Variants in HORMAD2 observed in about 807,000 individuals in gnomAD.
HORMAD2 encodes the protein HORMA domain-containing protein 2.
In HORMAD2, 45 loss-of-function variants were observed where a neutral mutation model predicts 38.8. The observed-to-expected ratio is 1.16, with a 90% CI of 0.91 to 1.49. HORMAD2 has a LOEUF of 1.49. Ranked by LOEUF, HORMAD2 falls within the 40% of genes most tolerant of loss-of-function variation. The probability of loss-of-function intolerance (pLI) is 0.00; values close to 1 mark genes in which losing one functional copy is unlikely to be tolerated. For synonymous variants in HORMAD2, 126 were observed against 122.8 expected, an observed-to-expected ratio of 1.03 and a Z score of -0.17; for missense variants, 338 against 367.0, an observed-to-expected ratio of 0.92 and a Z score of 0.65.
intron 6 of HORMAD2, 55 bp downstream of exon 6, chr22:30,111,871 G>C: frequency 1.4e-6 from 2 of 1,406,746 alleles, no homozygotes; most frequent in Non-Finnish European, 1.9e-6. Context: ...ATTGTCTTTT[G>C]GCAAGTGAAA....
chr22:30,118,882 T>A lies in HORMAD2; in HGVS notation c.343-98T>A, dbSNP rs142310064. On this transcript the variant is annotated intron_variant, in intron 7 of 10. Coordinates refer to ENST00000336726, the MANE Select transcript of HORMAD2 (RefSeq NM_152510.4). ...ACAAACAGCTATATAGGAAGTACAG[T>A]AGATATACAGTGAAAATGTTCCTTA... 3.6e-5 allele frequency: 27 copies of A among 753,344 alleles called. No homozygotes were observed. In the African/African-American group the frequency reaches 3.9e-4, roughly 11 times the overall value. 46.7% of individuals were successfully genotyped at this position (753,344 alleles called of 1,614,324 possible).
At chr22:30,165,361 T>G in intron 10 of HORMAD2, among the ~76,000 whole-genome samples, 1 of 152,212 alleles carries the variant, frequency 6.6e-6, no homozygotes, top group Admixed American at 6.5e-5. Flanking sequence ...TTTGTTTTTC[T>G]TATTCAAGAT....
the HORMAD2 span, among the ~76,000 whole-genome samples, chr22:30,186,891 A>G: frequency 7.1e-6 from 1 of 141,434 alleles, no homozygotes; most frequent in African/African-American, 2.5e-5. Flanking sequence ...TTCATCTACG[A>G]CCAAAGAAGG....
chr22:30,080,172 TCGTTGTATAGGTGGCCCAGGCTGG>T, upstream of HORMAD2: 1 of 152,358 alleles, frequency 6.6e-6, no homozygotes, highest in South Asian at 2.1e-4. Context: ...GAGCAGGCTG[TCGTTGTATAGGTGGCCCAGGCTGG>T]CGGCCCCTGA....
intron 1 of HORMAD2, among the ~76,000 whole-genome samples, chr22:30,080,699 G>A (rs2068455377): frequency 6.6e-6 from 1 of 152,148 alleles, no homozygotes; most frequent in Admixed American, 6.5e-5. Flanking sequence ...CAAAAGGGAG[G>A]CGATTTCCCC....
At chr22:30,082,795 CAA>C (rs200117496) in intron 1 of HORMAD2, among the ~76,000 whole-genome samples, 16 of 86,290 alleles carry the variant, frequency 1.9e-4, no homozygotes, top group East Asian at 3.2e-4. Flanking sequence ...TACTCTGTCT[CAA>C]AAAAAAAAAA....
intron 1 of HORMAD2, among the ~76,000 whole-genome samples, chr22:30,089,465 G>A (rs1309124958): frequency 6.6e-6 from 1 of 151,238 alleles, no homozygotes; most frequent in Non-Finnish European, 1.5e-5. Flanking sequence ...CCGTTCTCCT[G>A]CCTCAGCCTC....
intron 10 of HORMAD2, among the ~76,000 whole-genome samples, chr22:30,173,126 C>T (rs1336776020): frequency 6.6e-6 from 1 of 152,104 alleles, no homozygotes; most frequent in Non-Finnish European, 1.5e-5. Flanking sequence ...CAGAGTAGGG[C>T]AAGCAGGGCC....
Position 30,112,496 on chromosome 22 carries a change from CT to C in HORMAD2, c.319del (p.Tyr107ThrfsTer10). On this transcript the variant is annotated frameshift_variant and splice_region_variant, in exon 7 of 11. Transcript: ENST00000336726. LOFTEE classifies it high-confidence loss of function. ...KRYLRMAVLT[L>X]YTDPMGSEKV... is the part of the protein sequence containing the mutation. ...ATGATGTTTATTTTCCCTTATACAG[CT>C]TTACACAGATCCCATGGGATCTGAG... is the stretch of plus-strand genomic sequence containing the variant. 1 of 1,398,898 alleles carries C rather than the reference CT, an allele frequency of 7.1e-7. No homozygotes were observed. The highest frequency in any genetic ancestry group is 9.6e-7 in the Non-Finnish European group (1 of 1,042,270). The allele number at this position is 1,398,898 out of a possible 1,614,324, so 86.7% of individuals were successfully genotyped here.
intron 10 of HORMAD2, among the ~76,000 whole-genome samples, chr22:30,126,556 A>G (rs752278433): frequency 1.3e-5 from 2 of 152,178 alleles, no homozygotes; most frequent in Non-Finnish European, 2.9e-5. Context: ...CAATTTATTC[A>G]TTCTATTGTT....
the HORMAD2 span, among the ~76,000 whole-genome samples, chr22:30,207,398 C>T: frequency 6.6e-6 from 1 of 152,126 alleles, no homozygotes; most frequent in African/African-American, 2.4e-5. Context: ...AAGAAATGTC[C>T]CAGGCTCTTA....
chr22:30,153,281 C>T (rs1924869976), intron 10 of HORMAD2, among the ~76,000 whole-genome samples: 1 of 152,140 alleles, frequency 6.6e-6, no homozygotes, highest in South Asian at 2.1e-4. Flanking sequence ...CCCACAGCCT[C>T]CTGGATCCTA....
At chr22:30,111,631 A>G (rs1348627532) in intron 5 of HORMAD2, among the ~76,000 whole-genome samples, 165 bp from the exon 6 acceptor site, 2 of 152,184 alleles carry the variant, frequency 1.3e-5, no homozygotes, top group Non-Finnish European at 2.9e-5. Flanking sequence ...CTTCTCAGAT[A>G]CTGAGGGATG....
the HORMAD2 span, among the ~76,000 whole-genome samples, chr22:30,198,569 A>C: frequency 6.6e-6 from 1 of 151,836 alleles, no homozygotes; most frequent in Non-Finnish European, 1.5e-5. Context: ...CATCCACTGA[A>C]CTAGGCCAGC....
chr22:30,104,384 C>T lies in HORMAD2; in HGVS notation c.258-17C>T, dbSNP rs1200009046. On this transcript the variant is annotated splice_polypyrimidine_tract_variant and intron_variant, in intron 4 of 10. Transcript: ENST00000336726. ...TGCATATGGTCCAATTGACATCAAA[C>T]ATTTATTTCTTGACAGGATTCAAGG... 2 of 1,603,300 alleles carry T rather than the reference C, an allele frequency of 1.2e-6. No individual in the cohort carries two copies. The highest frequency in any genetic ancestry group is 1.7e-6 in the Non-Finnish European group (2 of 1,175,270).
intron 10 of HORMAD2, among the ~76,000 whole-genome samples, chr22:30,145,109 T>C (rs545836873): frequency 6.6e-6 from 1 of 152,374 alleles, no homozygotes; most frequent in East Asian, 1.9e-4. Flanking sequence ...AATTACTGTA[T>C]GCCTTTAGGT....
At chr22:30,202,849 C>G in the HORMAD2 span, among the ~76,000 whole-genome samples, 1 of 152,200 alleles carries the variant, frequency 6.6e-6, no homozygotes, top group Admixed American at 6.5e-5. Flanking sequence ...CCTCCACTCT[C>G]AGCGGCTGTT....
At chr22:30,135,126 T>C (rs1923567335) in intron 10 of HORMAD2, among the ~76,000 whole-genome samples, 1 of 152,070 alleles carries the variant, frequency 6.6e-6, no homozygotes, top group Non-Finnish European at 1.5e-5. Context: ...TATTCACCTA[T>C]GTAGGGGAGA....
intron 8 of HORMAD2, 123 bp downstream of exon 8, chr22:30,119,170 C>G: frequency 1.5e-6 from 1 of 645,480 alleles, no homozygotes; most frequent in Non-Finnish European, 2.7e-6. Flanking sequence ...TACAGAAAAC[C>G]ACTATTATAA....
Sources: allele counts gnomAD v4.1 joint callset (sites outside exome capture counted in the v4.1 genomes callset), GRCh38; gene constraint gnomAD v4.1.1; transcripts MANE v1.5; gene names NCBI Gene and HGNC (gene_info 2026-07-23, HGNC 2026-07-21).